The following MACF1 variants were observed in gnomAD, a reference collection of about 807,000 sequenced individuals.
The protein encoded by MACF1 is microtubule-actin cross-linking factor 1.
A neutral mutation model predicts 854.8 loss-of-function variants in MACF1; 193 were observed. The ratio of observed to expected loss-of-function variants is 0.23; its 90% CI spans 0.20 to 0.25. The LOEUF is 0.25. Ranked by LOEUF, MACF1 falls within the 10% of genes least tolerant of loss-of-function variation. The pLI is 1.00. For missense variants in MACF1, 7,722 were observed against 8,929.1 expected (o/e 0.86, Z 5.45); for synonymous variants, 3,185 against 3,226.7 (o/e 0.99, Z 0.44).
chr1:39,306,277 G>A (rs1235721551), intron 23 of MACF1, among the ~76,000 whole-genome samples: 1 of 151,574 alleles, frequency 6.6e-6, no homozygotes, highest in Non-Finnish European at 1.5e-5. Flanking sequence ...ACAGGTGTGT[G>A]CCACCACGAC....
At chr1:39,119,534 C>T (rs1479309821) in intron 2 of MACF1, among the ~76,000 whole-genome samples, 1 of 152,134 alleles carries the variant, frequency 6.6e-6, no homozygotes, top group African/African-American at 2.4e-5. Context: ...TGATGCACTT[C>T]ATGAATTGAG....
At chr1:39,324,462 G>A in intron 34 of MACF1, 117 bp downstream of exon 34, 1 of 1,324,164 alleles carries the variant, frequency 7.6e-7, no homozygotes, top group Non-Finnish European at 1.0e-6. Flanking sequence ...CTGAGTAAAT[G>A]TTAAAGAAAC....
chr1:39,466,579 A>G (rs1644672770), intron 95 of MACF1, among the ~76,000 whole-genome samples: 1 of 152,192 alleles, frequency 6.6e-6, no homozygotes, highest in Admixed American at 6.5e-5. Flanking sequence ...CCATCCAGAG[A>G]AAACCCTTTG....
chr1:39,361,336 T>A (rs1167600894), intron 48 of MACF1, 24 bp from the exon 49 acceptor site: 2 of 1,604,738 alleles, frequency 1.2e-6, no homozygotes, highest in East Asian at 4.5e-5. Flanking sequence ...AACCAGGAGC[T>A]GACAGACGTG....
At chr1:39,158,640 C>A (rs1319037398) in intron 2 of MACF1, among the ~76,000 whole-genome samples, 1 of 152,164 alleles carries the variant, frequency 6.6e-6, no homozygotes, top group Non-Finnish European at 1.5e-5. Flanking sequence ...CCAGTGGAGC[C>A]TGGGCTGGGG....
At chr1:39,376,703 C>T (rs1649753458) in intron 52 of MACF1, among the ~76,000 whole-genome samples, 1 of 151,976 alleles carries the variant, frequency 6.6e-6, no homozygotes, top group Non-Finnish European at 1.5e-5. Context: ...AATCACCACC[C>T]TAATTCAGCT....
chr1:39,380,199 T>G (rs1569806128), intron 54 of MACF1, 45 bp from the exon 55 acceptor site: 3 of 1,598,256 alleles, frequency 1.9e-6, no homozygotes, highest in Admixed American at 1.7e-5. Flanking sequence ...ACAACTTTGT[T>G]TCCTGTCCAG....
intron 50 of MACF1, 115 bp downstream of exon 50, chr1:39,368,429 T>G (rs935096988): frequency 1.9e-6 from 2 of 1,060,182 alleles, no homozygotes; most frequent in Non-Finnish European, 2.7e-6. Flanking sequence ...AAAATTCTAC[T>G]ACTGAGTTGT....
At chr1:39,452,032 T>C in intron 85 of MACF1, 124 bp from the exon 86 acceptor site, 2 of 823,740 alleles carry the variant, frequency 2.4e-6, no homozygotes, top group South Asian at 2.0e-5. Context: ...TATGCATTGC[T>C]CTGCCTCCCT....
At chr1:39,406,186 G>A (rs1315282189) in intron 58 of MACF1, among the ~76,000 whole-genome samples, 2 of 152,096 alleles carry the variant, frequency 1.3e-5, no homozygotes, top group Non-Finnish European at 2.9e-5. Context: ...TTCTCTTTAG[G>A]TTGTATTTAA....
chr1:39,216,576 ACTC>A (rs1644579193), intron 1 of MACF1, among the ~76,000 whole-genome samples: 1 of 151,754 alleles, frequency 6.6e-6, no homozygotes, highest in African/African-American at 2.4e-5. Flanking sequence ...CAGTCTCCTG[ACTC>A]CTAGGCTAGT....
chr1:39,094,769 G>C (rs1641897033), intron 2 of MACF1, among the ~76,000 whole-genome samples: 1 of 152,112 alleles, frequency 6.6e-6, no homozygotes, highest in Non-Finnish European at 1.5e-5. Context: ...GTATGCGCCT[G>C]TAATACCAGC....
At chr1:39,339,285 C>A (rs1044630150) in intron 38 of MACF1, among the ~76,000 whole-genome samples, 20 of 152,076 alleles carry the variant, frequency 1.3e-4, no homozygotes, top group African/African-American at 4.6e-4. Flanking sequence ...TATTCAAAAG[C>A]ACTGCCATTT....
intron 56 of MACF1, among the ~76,000 whole-genome samples, chr1:39,385,177 C>T (rs867834412): frequency 3.3e-5 from 5 of 152,112 alleles, no homozygotes; most frequent in African/African-American, 7.2e-5. Context: ...AAGCAATTCT[C>T]GTGCCTCAGC....
chr1:39,469,729 T>G, intron 97 of MACF1, 114 bp downstream of exon 97: 2 of 805,624 alleles, frequency 2.5e-6, no homozygotes, highest in Non-Finnish European at 4.2e-6. Context: ...CATGAATGCT[T>G]GAAATGGCCA....
chr1:39,144,063 A>C (rs1454349772), intron 2 of MACF1, among the ~76,000 whole-genome samples: 1 of 136,150 alleles, frequency 7.3e-6, no homozygotes, highest in East Asian at 2.2e-4. Context: ...CTGGGATTAC[A>C]GGTGTGAGCC....
intron 71 of MACF1, among the ~76,000 whole-genome samples, chr1:39,438,816 C>T (rs1644037665): frequency 6.6e-6 from 1 of 151,248 alleles, no homozygotes; most frequent in Admixed American, 6.6e-5. Context: ...GGTGTGGTGG[C>T]TCATGCTGAT....
intron 40 of MACF1, among the ~76,000 whole-genome samples, chr1:39,346,101 C>A (rs1463358638): frequency 6.7e-6 from 1 of 150,088 alleles, no homozygotes; most frequent in African/African-American, 2.5e-5. Context: ...TGGTGGCTCA[C>A]GCCTGTAATC....
At chr1:39,096,875 C>CT (rs34305714) in intron 2 of MACF1, among the ~76,000 whole-genome samples, 21,210 of 123,804 alleles carry the variant, frequency 0.17, 2,388 homozygotes, top group Non-Finnish European at 0.22. Context: ...TGAGGGATTC[C>CT]TTTTTTTTTT....
Sources: allele counts gnomAD v4.1 joint callset (sites outside exome capture counted in the v4.1 genomes callset), GRCh38; gene constraint gnomAD v4.1.1; transcripts MANE v1.5; gene names NCBI Gene and HGNC (gene_info 2026-07-23, HGNC 2026-07-21).